The following ALG1 variants were observed in gnomAD, a reference collection of about 807,000 sequenced individuals.
ALG1 encodes the protein chitobiosyldiphosphodolichol beta-mannosyltransferase.
ALG1 carries 58 observed loss-of-function variants against 55.1 expected under a neutral mutation model. The ratio of observed to expected loss-of-function variants is 1.05; its 90% CI spans 0.85 to 1.31. The LOEUF (loss-of-function observed/expected upper bound fraction) is 1.31, where lower values mean the gene tolerates loss of function less well. Ranked by LOEUF, ALG1 falls within the 50% of genes most tolerant of loss-of-function variation. ALG1 has a pLI of 0.00. For missense variants in ALG1, 761 were observed against 598.6 expected (o/e 1.27, Z -2.83); for synonymous variants, 309 against 247.0 (o/e 1.25, Z -2.35).
chr16:5,077,541 T>TGGCCTGGGATGACGGC lies in ALG1; in HGVS notation c.629+17_629+32dup, dbSNP rs992971926. On this transcript the variant is annotated splice_region_variant and intron_variant, in intron 5 of 12. Transcript: ENST00000262374. ...CGGATAACTGGCACATCAGGTACCA[T>TGGCCTGGGATGACGGC]GGCCTGGGATGACGGCGGCCTGGGA... is the stretch of plus-strand genomic sequence containing the variant. 1 of 1,613,872 alleles carries TGGCCTGGGATGACGGC rather than the reference T, an allele frequency of 6.2e-7. No individual in the cohort carries two copies. Among genetic ancestry groups the TGGCCTGGGATGACGGC allele is most frequent in the African/African-American group, 1.3e-5 (1 of 74,910 alleles).
intron 1 of ALG1, 54 bp downstream of exon 1, chr16:5,072,111 G>C: frequency 6.5e-7 from 1 of 1,550,308 alleles, no homozygotes; most frequent in Non-Finnish European, 8.7e-7. Flanking sequence ...TTGATCCTCG[G>C]TTCTAACCGC....
chr16:5,085,874 C>T lies in ALG1; in HGVS notation c.*993C>T, dbSNP rs1892787512. ...CTTGGTTCACAGGTTCCCAGGCCCA[C>T]CCAGGTGCCTAGAATTGGCCTCCAG... On this transcript the variant is annotated 3_prime_UTR_variant, in exon 13 of 13. Transcript: ENST00000262374. The T allele has an allele frequency of 1.8e-5, 13 of 712,088 alleles. No homozygotes were observed. Among genetic ancestry groups the T allele is most frequent in the Non-Finnish European group, 3.1e-5 (12 of 388,482 alleles). 44.1% of individuals were successfully genotyped at this position (712,088 alleles called of 1,614,324 possible). A position where few individuals can be genotyped will look rare whatever the true frequency, so the allele number is the denominator to read the frequency against.
rs1957105905 is a variant in ALG1 at position 5,085,026 on chromosome 16, T to C, written c.*145T>C. 1.4e-6 allele frequency: 2 copies of C among 1,463,032 alleles called. No homozygotes were observed. Among genetic ancestry groups the C allele is most frequent in the East Asian group, 2.3e-5 (1 of 43,006 alleles). 90.6% of individuals were successfully genotyped at this position (1,463,032 alleles called of 1,614,324 possible). On this transcript the variant is annotated 3_prime_UTR_variant, in exon 13 of 13. Coordinates refer to ENST00000262374, the MANE Select transcript of ALG1 (RefSeq NM_019109.5). The stretch of plus-strand genomic sequence containing the variant: ...GCAGTGGTACTGCCTGGTAAAAGAA[T>C]TGGTTCTGTGACCCGGGAAGCTTTG...
intron 1 of ALG1, 37 bp from the exon 2 acceptor site, chr16:5,072,914 C>T (rs1310035915): frequency 1.3e-6 from 2 of 1,578,100 alleles, no homozygotes; most frequent in African/African-American, 1.3e-5. Context: ...TAGATTGCTG[C>T]TTCTGGTACA....
chr16:5,078,391 T>C, intron 6 of ALG1: 1 of 589,236 alleles, frequency 1.7e-6, no homozygotes, highest in Non-Finnish European at 3.2e-6. Context: ...CCCTGGGGTG[T>C]CTCATGGGGC....
chr16:5,072,335 G>A (rs1956830911), intron 1 of ALG1: 4 of 1,225,042 alleles, frequency 3.3e-6, no homozygotes, highest in Non-Finnish European at 4.4e-6. Context: ...GGAACTCCAG[G>A]GCTAGTGCTG....
intron 7 of ALG1, 31 bp from the exon 8 acceptor site, chr16:5,079,033 A>G (rs1204524885): frequency 2.5e-6 from 4 of 1,604,560 alleles, no homozygotes; most frequent in African/African-American, 2.7e-5. Flanking sequence ...GTCTAGAAAC[A>G]GGCCCCTGAC....
rs570697496 is a variant in ALG1 at position 5,079,260 on chromosome 16, T to C, written c.901+158T>C. 2.6e-5 allele frequency among the ~76,000 whole-genome samples: 4 copies of C among 152,298 alleles called. No homozygotes were observed. In the East Asian group the frequency reaches 7.7e-4, roughly 29 times the overall value. ...GAAGTGGGCCGCCCTGAATCCCCAG[T>C]TGGGTCATTGAGTGACCAGGCCCTC... On this transcript the variant is annotated intron_variant, in intron 8 of 12. Transcript: ENST00000262374.
intron 6 of ALG1, chr16:5,078,262 G>T (rs962064944): frequency 1.3e-5 from 9 of 685,898 alleles, no homozygotes; most frequent in Non-Finnish European, 1.9e-5. Context: ...CCTGTGGCCC[G>T]CAAAGCCTGA....
At chr16:5,073,495 A>G (rs1596252494) in intron 3 of ALG1, 2 of 572,066 alleles carry the variant, frequency 3.5e-6, no homozygotes, top group East Asian at 3.0e-5. Flanking sequence ...GTATTAACTC[A>G]TTTAGTCCTC....
chr16:5,073,452 C>T (rs974001920), intron 3 of ALG1, 196 bp downstream of exon 3: 9 of 630,536 alleles, frequency 1.4e-5, no homozygotes, highest in Non-Finnish European at 2.0e-5. Context: ...GATAGTCTTA[C>T]ATTGTACTGA....
chr16:5,071,972 C>G lies in ALG1; in HGVS notation c.123C>G (p.Gly41=), dbSNP rs756942890. 4 of 1,591,450 alleles carry G rather than the reference C, an allele frequency of 2.5e-6. No individual in the cohort carries two copies. The highest frequency in any genetic ancestry group is 3.4e-6 in the Non-Finnish European group (4 of 1,168,956). The part of the protein sequence containing the change: ...AARHVVAVVL[G]DVGRSPRMQY... Reference sequence around the variant, plus strand: ...GGCATGTAGTAGCGGTGGTGCTGGGCGACGTGGGCCGCAGCCCCCGTATGC... The same window carrying G: ...GGCATGTAGTAGCGGTGGTGCTGGGGGACGTGGGCCGCAGCCCCCGTATGC... The change falls in exon 1 of 13, where the codon GGC becomes GGG. Residue 41 remains glycine, a synonymous_variant. Coordinates refer to ENST00000262374, the MANE Select transcript of ALG1 (RefSeq NM_019109.5).
In ALG1 at chr16:5,075,426, C is replaced by T. The variant is rs774789487; in HGVS notation, c.429C>T (p.Phe143=). ...PGLPSIAVCW[F]VGCLCGSKLV... The stretch of plus-strand genomic sequence containing the variant: ...TGCCTAGCATTGCTGTCTGCTGGTT[C>T]GTGGGCTGCCTTTGTGGAAGCAAGC... The change falls in exon 4 of 13, where the codon TTC becomes TTT. Residue 143 remains phenylalanine, a synonymous_variant. Coordinates refer to ENST00000262374, the MANE Select transcript of ALG1 (RefSeq NM_019109.5). 7 of 1,614,022 alleles carry T rather than the reference C, an allele frequency of 4.3e-6. No homozygotes were observed. Among genetic ancestry groups the T allele is most frequent in the African/African-American group, 2.7e-5 (2 of 74,898 alleles).
intron 3 of ALG1, among the ~76,000 whole-genome samples, chr16:5,074,096 C>A (rs1324808241): frequency 6.6e-6 from 1 of 150,506 alleles, no homozygotes; most frequent in South Asian, 2.1e-4. Flanking sequence ...AGGAAGAATA[C>A]TTTTTTTTTT....
intron 1 of ALG1, 161 bp downstream of exon 1, chr16:5,072,218 G>T (rs1250036566): frequency 3.3e-6 from 5 of 1,527,920 alleles, no homozygotes; most frequent in African/African-American, 1.4e-5. Context: ...TCCTGGGTGG[G>T]TCTCTAGGTA....
chr16:5,077,340 T>C lies in ALG1; in HGVS notation c.540-105T>C, dbSNP rs1596255982. On this transcript the variant is annotated intron_variant, in intron 4 of 12. Transcript: ENST00000262374. ...CAGCTGGGGCTCAGGGAGCTCAAAC[T>C]CTCCCAGCTCTGCGGCCTTTTCTCT... The C allele has an allele frequency of 4.0e-6, 4 of 1,004,054 alleles. No homozygotes were observed. The East Asian group carries it at 7.2e-5, about 18-fold the overall frequency. 62.2% of individuals were successfully genotyped at this position (1,004,054 alleles called of 1,614,324 possible). A position where few individuals can be genotyped will look rare whatever the true frequency, so the allele number is the denominator to read the frequency against.
At chr16:5,075,624 C>T (rs1956898485) in intron 4 of ALG1, 88 bp downstream of exon 4, 9 of 1,547,560 alleles carry the variant, frequency 5.8e-6, no homozygotes, top group Middle Eastern at 1.8e-4. Flanking sequence ...CTCCGGAAGT[C>T]GGTTCCTTGT....
In ALG1 at chr16:5,087,091, G is replaced by C. The variant is rs1957205175; in HGVS notation, c.*2210G>C. ...CTCTATAATCCTGCCATCCAAGGAT[G>C]GCACCTGTTAATGTGTATATCAGGG... On this transcript the variant is annotated 3_prime_UTR_variant, in exon 13 of 13. Coordinates refer to ENST00000262374, the MANE Select transcript of ALG1 (RefSeq NM_019109.5). The C allele has an allele frequency of 6.6e-6, 1 of 152,184 alleles. No individual in the cohort carries two copies. The highest frequency in any genetic ancestry group is 6.5e-5 in the Admixed American group (1 of 15,278). The allele number at this position is 152,184 out of a possible 1,614,324, so 9.4% of individuals were successfully genotyped here.
rs772437767 is a variant in ALG1 at position 5,080,965 on chromosome 16, G to C, written c.981G>C (p.Glu327Asp). 6.3e-7 allele frequency: 1 copy of C among 1,596,288 alleles called. No individual in the cohort carries two copies. The highest frequency in any genetic ancestry group is 1.7e-5 in the Admixed American group (1 of 59,988). Residue 327 changes from glutamate to aspartate, a missense_variant, in exon 10 of 13, where the codon GAG (glutamate) becomes GAC (aspartate). Physicochemically the swap from Glu to Asp is conservative, Grantham distance 45. Coordinates refer to ENST00000262374, the MANE Select transcript of ALG1 (RefSeq NM_019109.5). Reference protein sequence around the residue: ...CVITGKGPLREYYSRLIHQKH... With the variant: ...CVITGKGPLRDYYSRLIHQKH... ...GTGAAGGCAAAGGGCCTCTGAGGGA[G>C]TATTATAGCCGCCTCATCCACCAGA... is the stretch of plus-strand genomic sequence containing the variant.
Sources: gnomAD v4.1 joint callset for allele counts (sites outside exome capture counted in the v4.1 genomes callset) on GRCh38, gnomAD v4.1.1 for gene constraint, MANE v1.5 for transcripts, NCBI Gene and HGNC (gene_info 2026-07-23, HGNC 2026-07-21) for gene names.